Variants in MFN1 observed in about 807,000 individuals in gnomAD.
MFN1 encodes the protein mitofusin 1, also known as mitofusin-1.
Under a neutral mutation model 92.4 loss-of-function variants are expected in MFN1, and 65 were observed. The ratio of observed to expected loss-of-function variants is 0.70; its 90% CI spans 0.58 to 0.86. The LOEUF is 0.86. Ranked by LOEUF, MFN1 falls within the 40% of genes least tolerant of loss-of-function variation. The pLI is 0.00. For synonymous variants in MFN1, 297 were observed against 300.9 expected (o/e 0.99, Z 0.13); for missense variants, 781 against 868.0 (o/e 0.90, Z 1.26).
chr3:179,378,871 T>C (rs1165865209), intron 14 of MFN1, 57 bp downstream of exon 14: 1 of 1,328,006 alleles, frequency 7.5e-7, no homozygotes, highest in East Asian at 2.3e-5. Context: ...GTTTATGTGG[T>C]TTTTCTATAA....
chr3:179,357,382 CT>C (rs1257682404), intron 3 of MFN1, among the ~76,000 whole-genome samples: 1 of 152,112 alleles, frequency 6.6e-6, no homozygotes, highest in African/African-American at 2.4e-5. Flanking sequence ...CACTGCAAGG[CT>C]TCATGAAATG....
intron 7 of MFN1, among the ~76,000 whole-genome samples, chr3:179,366,197 A>G (rs1373692595): frequency 6.6e-6 from 1 of 152,204 alleles, no homozygotes; most frequent in African/African-American, 2.4e-5. Flanking sequence ...ACACTGGCCA[A>G]TCCAAAACGT....
rs1712169978 is a variant in MFN1 at position 179,352,039 on chromosome 3, A to T, written c.248+4A>T. ...TGAAGGTGGCATTTTTTGGCAGGTA[A>T]TTATTTATTATTACTTCTAAGATTA... On this transcript the variant is annotated splice_donor_region_variant and intron_variant, in intron 3 of 17. Transcript: ENST00000471841. 2 of 1,582,982 alleles carry T rather than the reference A, an allele frequency of 1.3e-6. No individual in the cohort carries two copies. The highest frequency in any genetic ancestry group is 1.7e-6 in the Non-Finnish European group (2 of 1,159,128).
chr3:179,347,753 G>A lies in MFN1; in HGVS notation c.-65G>A, dbSNP rs1345596150. ...CGCCTTTAACTTCTCGGGAAGATGA[G>A]GCAGTTTGGCATCTGTGGCCGAGTT... On this transcript the variant is annotated 5_prime_UTR_variant, in exon 1 of 18. Transcript: ENST00000471841. The A allele has an allele frequency of 6.6e-6, 1 of 152,408 alleles. No homozygotes were observed. The highest frequency in any genetic ancestry group is 1.5e-5 in the Non-Finnish European group (1 of 68,182). 9.4% of individuals were successfully genotyped at this position (152,408 alleles called of 1,614,324 possible). A position where few individuals can be genotyped will look rare whatever the true frequency, so the allele number is the denominator to read the frequency against.
chr3:179,383,684 T>C (rs1051315006), intron 14 of MFN1, among the ~76,000 whole-genome samples: 4 of 152,172 alleles, frequency 2.6e-5, no homozygotes, highest in Admixed American at 6.5e-5. Context: ...TTTCATGATA[T>C]TGATTCCTCC....
At position 179,367,491 on chromosome 3, in the gene MFN1, A is replaced by G; in HGVS notation, c.806A>G (p.Lys269Arg). The stretch of plus-strand genomic sequence containing the variant: ...CTGCATTTCTTGGTGGAGGAGCTCA[A>G]AGTTGTAAATGCTTTAGAAGCACAG... ...RCLHFLVEEL[K>R]VVNALEAQNR... The change falls in exon 8 of 18, where the codon AAA becomes AGA. Residue 269 changes from lysine to arginine, a missense_variant. Transcript: ENST00000471841. 6.2e-7 allele frequency: 1 copy of G among 1,613,834 alleles called. No individual in the cohort carries two copies. Among genetic ancestry groups the G allele is most frequent in the East Asian group, 2.2e-5 (1 of 44,852 alleles).
At chr3:179,358,733 A>C (rs1712443068) in intron 3 of MFN1, 107 bp from the exon 4 acceptor site, 1 of 1,170,506 alleles carries the variant, frequency 8.5e-7, no homozygotes, top group African/African-American at 1.5e-5. Flanking sequence ...CAGTCTTAAG[A>C]AATCTTAACA....
intron 16 of MFN1, among the ~76,000 whole-genome samples, chr3:179,387,337 G>GTAA (rs1713723080): frequency 6.6e-6 from 1 of 152,086 alleles, no homozygotes. Flanking sequence ...CTTGAGGTCG[G>GTAA]GAGTTCGAGA....
intron 4 of MFN1, among the ~76,000 whole-genome samples, chr3:179,360,156 TC>T (rs1361317102): frequency 6.6e-6 from 1 of 152,222 alleles, no homozygotes; most frequent in African/African-American, 2.4e-5. Context: ...CCTCAGGTGA[TC>T]CACCTGCCTT....
intron 3 of MFN1, 136 bp downstream of exon 3, chr3:179,352,171 A>G (rs1234254521): frequency 3.5e-6 from 3 of 848,012 alleles, no homozygotes; most frequent in Non-Finnish European, 5.3e-6. Context: ...AGCTGTTAGC[A>G]TGTGAAAGAA....
Position 179,384,900 on chromosome 3 carries a change from C to CTT in MFN1, c.1663-647_1663-646dup, listed in dbSNP as rs35563595. Among the ~76,000 whole-genome samples the CTT allele has an allele frequency of 7.9e-3, 670 of 84,566 alleles. 4 individuals are homozygous for CTT. Among genetic ancestry groups the CTT allele is most frequent in the South Asian group, 0.01 (22 of 2,180 alleles). The allele number at this position is 84,566 out of a possible 152,430, so 55.5% of individuals were successfully genotyped here. On this transcript the variant is annotated intron_variant, in intron 14 of 17. Transcript: ENST00000471841. ...TTTAAGAGGTTTTTATTTTGAAGTC[C>CTT]TTTTTTTTTTTTTTTTTTTTTTTGA...
At chr3:179,355,380 G>GC (rs1175666037) in intron 3 of MFN1, among the ~76,000 whole-genome samples, 3 of 152,062 alleles carry the variant, frequency 2.0e-5, no homozygotes, top group Non-Finnish European at 4.4e-5. Context: ...ATTTTAACCA[G>GC]CCCCTGTTCA....
chr3:179,380,009 A>G (rs1047676443), intron 14 of MFN1, among the ~76,000 whole-genome samples: 3 of 152,226 alleles, frequency 2.0e-5, no homozygotes, highest in Non-Finnish European at 2.9e-5. Flanking sequence ...AACACGTGCC[A>G]CTTAAGGACA....
At chr3:179,363,155 G>T (rs2108532981) in intron 5 of MFN1, among the ~76,000 whole-genome samples, 1 of 152,286 alleles carries the variant, frequency 6.6e-6, no homozygotes, top group Middle Eastern at 3.4e-3. Flanking sequence ...CTAGGCTGGA[G>T]TACAGTGGCG....
At chr3:179,371,404 C>G (rs1157965071) in intron 9 of MFN1, among the ~76,000 whole-genome samples, 2 of 151,816 alleles carry the variant, frequency 1.3e-5, no homozygotes, top group Non-Finnish European at 2.9e-5. Flanking sequence ...TCACAGCTAC[C>G]CCAGAGGCTG....
chr3:179,359,439 G>A (rs921541601), intron 4 of MFN1, among the ~76,000 whole-genome samples: 1 of 36,834 alleles, frequency 2.7e-5, no homozygotes, highest in Admixed American at 3.0e-4. Context: ...TTTTTTTTTT[G>A]ACACTGAGTC....
chr3:179,378,582 T>A lies in MFN1; in HGVS notation c.1433-3T>A. 1 of 1,602,632 alleles carries A rather than the reference T, an allele frequency of 6.2e-7. No homozygotes were observed. The highest frequency in any genetic ancestry group is 8.5e-7 in the Non-Finnish European group (1 of 1,172,764). On this transcript the variant is annotated splice_region_variant and splice_polypyrimidine_tract_variant and intron_variant, in intron 13 of 17. Transcript: ENST00000471841. Reference sequence around the variant, plus strand: ...TTAAGTGTTGTAATTTTGTTCTTTCTAGAAAATTTGAAGCCATTACTTCCA... The same window carrying A: ...TTAAGTGTTGTAATTTTGTTCTTTCAAGAAAATTTGAAGCCATTACTTCCA...
intron 9 of MFN1, among the ~76,000 whole-genome samples, chr3:179,368,754 T>C (rs904855685): frequency 2.0e-5 from 3 of 152,194 alleles, no homozygotes; most frequent in African/African-American, 7.2e-5. Context: ...TCACCCTACA[T>C]TTGACTGAAT....
At chr3:179,378,996 A>G (rs1461048595) in intron 14 of MFN1, among the ~76,000 whole-genome samples, 182 bp downstream of exon 14, 1 of 151,702 alleles carries the variant, frequency 6.6e-6, no homozygotes, top group Admixed American at 6.5e-5. Context: ...TTAAAGGTCC[A>G]AAATGAAAAA....
Sources: gnomAD v4.1 joint callset for allele counts (sites outside exome capture counted in the v4.1 genomes callset) on GRCh38, gnomAD v4.1.1 for gene constraint, MANE v1.5 for transcripts, NCBI Gene and HGNC (gene_info 2026-07-23, HGNC 2026-07-21) for gene names.